Variants in COL23A1 observed in about 807,000 individuals in gnomAD.
COL23A1 encodes collagen alpha-1(XXIII) chain.
COL23A1 carries 97 observed loss-of-function variants against 99.3 expected under a neutral mutation model. That is an observed-to-expected ratio of 0.98 (90% confidence interval 0.83 to 1.16). COL23A1 has a LOEUF of 1.16. Ranked by LOEUF, COL23A1 falls within the 50% of genes most tolerant of loss-of-function variation. The pLI, the probability that COL23A1 is intolerant of heterozygous loss-of-function variation, is 0.00. For synonymous variants in COL23A1, 320 were observed against 308.2 expected, an observed-to-expected ratio of 1.04 and a Z score of -0.40; for missense variants, 762 against 757.4, an observed-to-expected ratio of 1.01 and a Z score of -0.07.
chr5:178,339,784 A>C (rs1425705983), intron 2 of COL23A1, among the ~76,000 whole-genome samples: 2 of 152,146 alleles, frequency 1.3e-5, no homozygotes, highest in Non-Finnish European at 2.9e-5. Flanking sequence ...TCTTGAACTC[A>C]AGGGCTTCTG....
In COL23A1 at chr5:178,309,414, G is replaced by C. The variant is rs1479795463; in HGVS notation, c.362-2495C>G. On this transcript the variant is annotated intron_variant, in intron 2 of 28. Coordinates refer to ENST00000390654, the MANE Select transcript of COL23A1 (RefSeq NM_173465.4). The surrounding 1 kb of genome is among the most constrained non-coding windows in gnomAD (Gnocchi z 4.7). ...CTGTGAGCCGCAGGCCAGGCAGGCT[G>C]GATGTGACCCCGACTGAATAGGGCC... 2.0e-5 allele frequency among the ~76,000 whole-genome samples: 3 copies of C among 152,246 alleles called. No individual in the cohort carries two copies. The highest frequency in any genetic ancestry group is 4.4e-5 in the Non-Finnish European group (3 of 68,008).
intron 2 of COL23A1, among the ~76,000 whole-genome samples, chr5:178,446,031 C>T (rs947942098): frequency 2.6e-5 from 4 of 151,850 alleles, no homozygotes; most frequent in African/African-American, 9.7e-5. Flanking sequence ...AAAAAGTCTG[C>T]CACCTCTTTA....
chr5:178,515,923 C>T (rs1274511478), intron 2 of COL23A1, among the ~76,000 whole-genome samples: 2 of 152,082 alleles, frequency 1.3e-5, no homozygotes, highest in Non-Finnish European at 2.9e-5. Context: ...CTCGGGGTCA[C>T]CCGGGCCTTC....
rs932008336 is a variant in COL23A1, at chr5:178,460,696, G to A, written c.361+99986C>T. 4.6e-5 allele frequency among the ~76,000 whole-genome samples: 7 copies of A among 152,274 alleles called. No individual in the cohort carries two copies. The East Asian group carries it at 1.2e-3, about 25-fold the overall frequency. ...CCTTTTGCTTCCAGTGAAAATCCAC[G>A]GAATCCCTTTGCCCTGCTTTTCTTA... On this transcript the variant is annotated intron_variant, in intron 2 of 28. Coordinates refer to ENST00000390654, the MANE Select transcript of COL23A1 (RefSeq NM_173465.4).
In COL23A1 at chr5:178,238,731, G is replaced by C. The variant is rs151176062; in HGVS notation, c.1621-31C>G. Reference sequence around the variant, plus strand: ...AAAGGAGGAAGAGACTGAAGGTGACGAGGAGCCCGAGAAGCTCCGCCCCCA... The same window carrying C: ...AAAGGAGGAAGAGACTGAAGGTGACCAGGAGCCCGAGAAGCTCCGCCCCCA... On this transcript the variant is annotated intron_variant, in intron 28 of 28. Coordinates refer to ENST00000390654, the MANE Select transcript of COL23A1 (RefSeq NM_173465.4). 284 of 1,612,116 alleles carry C rather than the reference G, an allele frequency of 1.8e-4. 1 individual carries two copies. In the African/African-American group the frequency reaches 3.1e-3, roughly 17 times the overall value.
At chr5:178,536,727 G>A (rs550888) in intron 2 of COL23A1, among the ~76,000 whole-genome samples, 69,841 of 152,082 alleles carry the variant, frequency 0.46, 16,637 homozygotes, top group Non-Finnish European at 0.53. Flanking sequence ...TCTTGAAAGC[G>A]ATGATGACCC....
rs1402042215 is a variant in COL23A1 at position 178,544,300 on chromosome 5, G to A, written c.361+16382C>T. Among the ~76,000 whole-genome samples, 5 of 152,148 alleles carry A rather than the reference G, an allele frequency of 3.3e-5. No individual in the cohort carries two copies. The highest frequency in any genetic ancestry group is 1.2e-4 in the African/African-American group (5 of 41,430). On this transcript the variant is annotated intron_variant, in intron 2 of 28. Transcript: ENST00000390654. This position sits in a 1 kb window ranked among gnomAD's most constrained non-coding sequence, Gnocchi z 4.4. Reference sequence around the variant, plus strand: ...GAGCTCGCCGCTTACAGAGCCCCCAGCCCAGCCCCTGCTGGAGCTCCTGGA... The same window carrying A: ...GAGCTCGCCGCTTACAGAGCCCCCAACCCAGCCCCTGCTGGAGCTCCTGGA...
chr5:178,413,572 C>T (rs542154235), intron 2 of COL23A1, among the ~76,000 whole-genome samples: 1 of 152,308 alleles, frequency 6.6e-6, no homozygotes, highest in African/African-American at 2.4e-5. Context: ...TTTCTGATCT[C>T]ACCAAACTTT....
intron 2 of COL23A1, among the ~76,000 whole-genome samples, chr5:178,500,770 TTCTC>T (rs1482024884): frequency 1.3e-5 from 2 of 151,894 alleles, no homozygotes; most frequent in Non-Finnish European, 2.9e-5. Flanking sequence ...TTATGAGAGA[TTCTC>T]TCTCTAAACT....
At chr5:178,511,581 G>C (rs1484762800) in intron 2 of COL23A1, among the ~76,000 whole-genome samples, 1 of 152,230 alleles carries the variant, frequency 6.6e-6, no homozygotes, top group African/African-American at 2.4e-5. Context: ...TTCAATCCCA[G>C]TTCCCGGAGT....
At chr5:178,405,342 G>A (rs1044423698) in intron 2 of COL23A1, among the ~76,000 whole-genome samples, 22 of 152,318 alleles carry the variant, frequency 1.4e-4, no homozygotes, top group South Asian at 1.0e-3. Context: ...CTCTGTCCTC[G>A]TTTACATTGT....
At chr5:178,277,981 G>A (rs1561818099) in intron 5 of COL23A1, among the ~76,000 whole-genome samples, 1 of 152,186 alleles carries the variant, frequency 6.6e-6, no homozygotes, top group Non-Finnish European at 1.5e-5. Context: ...ACCAGCTCAG[G>A]CACAGAGGGC....
At chr5:178,318,577 G>C (rs1375469928) in intron 2 of COL23A1, among the ~76,000 whole-genome samples, 1 of 152,226 alleles carries the variant, frequency 6.6e-6, no homozygotes, top group East Asian at 1.9e-4. Flanking sequence ...AGCAGACCTG[G>C]ACAGGAAGGG....
Position 178,482,615 on chromosome 5 carries a change from C to T in COL23A1, c.361+78067G>A, listed in dbSNP as rs577580635. Among the ~76,000 whole-genome samples the T allele has an allele frequency of 2.4e-4, 36 of 152,302 alleles. No individual in the cohort carries two copies. In the South Asian group the frequency reaches 3.7e-3, roughly 16 times the overall value. On this transcript the variant is annotated intron_variant, in intron 2 of 28. Coordinates refer to ENST00000390654, the MANE Select transcript of COL23A1 (RefSeq NM_173465.4). ...ATGGTTACAATAGACTTAGGCTGGC[C>T]GGGCGTGGTGGCCCACACCTGTAAT... is the stretch of plus-strand genomic sequence containing the variant.
At chr5:178,503,486 C>T (rs963899155) in intron 2 of COL23A1, among the ~76,000 whole-genome samples, 2 of 152,164 alleles carry the variant, frequency 1.3e-5, no homozygotes, top group Non-Finnish European at 2.9e-5. Context: ...ATAATTAGGT[C>T]AATTCACTAA....
At position 178,354,350 on chromosome 5, in the gene COL23A1, A is replaced by G. The variant is rs371058401; in HGVS notation, c.362-47431T>C. Among the ~76,000 whole-genome samples the G allele has an allele frequency of 5.8e-4, 88 of 152,262 alleles. 1 individual carries two copies. In the South Asian group the frequency reaches 0.018, roughly 32 times the overall value. ...CAGCCTCGAAAATAGCTGCGACTAC[A>G]GGCACATGCCACCATGCCCTGCTAA... On this transcript the variant is annotated intron_variant, in intron 2 of 28. Transcript: ENST00000390654.
intron 2 of COL23A1, among the ~76,000 whole-genome samples, chr5:178,480,943 C>T (rs371915449): frequency 2.0e-5 from 3 of 151,864 alleles, no homozygotes; most frequent in Non-Finnish European, 4.4e-5. Flanking sequence ...GCCAGGAGTT[C>T]GAGACCAGCC....
chr5:178,265,023 G>C (rs13175983), intron 8 of COL23A1, among the ~76,000 whole-genome samples: 20,557 of 152,184 alleles, frequency 0.14, 1,833 homozygotes, highest in East Asian at 0.41. Context: ...GGAATGGCTG[G>C]GGTGGGGGAT....
chr5:178,413,705 C>CT (rs1398802611), intron 2 of COL23A1, among the ~76,000 whole-genome samples: 1 of 152,158 alleles, frequency 6.6e-6, no homozygotes, highest in East Asian at 1.9e-4. Context: ...CTTGGGGTAA[C>CT]TGGGAAGGTC....
Sources: gnomAD v4.1 joint callset for allele counts (sites outside exome capture counted in the v4.1 genomes callset) on GRCh38, gnomAD v4.1.1 for gene constraint, Gnocchi (gnomAD v3.1) non-coding constraint, MANE v1.5 for transcripts, NCBI Gene and HGNC (gene_info 2026-07-23, HGNC 2026-07-21) for gene names.